Variants in PLPPR5 observed in about 807,000 individuals in gnomAD.
PLPPR5 encodes phospholipid phosphatase-related protein type 5.
A neutral mutation model predicts 33.9 loss-of-function variants in PLPPR5; 16 were observed. The observed-to-expected ratio is 0.47, with a 90% CI of 0.32 to 0.72. The LOEUF is 0.72. Among genes scored for constraint, PLPPR5 ranks in the 30% least tolerant of loss-of-function variants. The probability of loss-of-function intolerance (pLI) is 0.03; values close to 1 mark genes in which losing one functional copy is unlikely to be tolerated. For missense variants in PLPPR5, 301 were observed against 406.7 expected (o/e 0.74, Z 2.23); for synonymous variants, 163 against 150.3 (o/e 1.08, Z -0.62).
At chr1:99,001,669 AAGAT>A (rs370587528) in intron 1 of PLPPR5, among the ~76,000 whole-genome samples, 1 of 64,326 alleles carries the variant, frequency 1.6e-5, no homozygotes, top group East Asian at 4.5e-4. Context: ...TTGAAAGTTA[AAGAT>A]ATATATATAT....
chr1:98,992,436 A>G (rs1158044615), intron 1 of PLPPR5, among the ~76,000 whole-genome samples: 2 of 152,176 alleles, frequency 1.3e-5, no homozygotes, highest in Non-Finnish European at 2.9e-5. Flanking sequence ...CAAACTAATG[A>G]CTATGTCTCA....
chr1:98,931,013 T>C (rs148960489), intron 3 of PLPPR5, among the ~76,000 whole-genome samples: 1 of 152,124 alleles, frequency 6.6e-6, no homozygotes, highest in African/African-American at 2.4e-5. Context: ...GTTTAAGGCA[T>C]GTTAAGTTAT....
Position 98,953,084 on chromosome 1 carries a change from C to T in PLPPR5, c.607G>A (p.Ala203Thr). ...TCCTTACTTACGGTCAGATACATAG[C>T]TGCATAGACACTGAGAGCTGCTTCT... ...SKEAALSVYA[A>T]MYLTMYITNT... Residue 203 changes from alanine to threonine, a missense_variant, in exon 3 of 6, where the codon GCT (alanine) becomes ACT (threonine). By Grantham distance (58) the Ala-to-Thr change is moderately conservative. Transcript: ENST00000263177. 1 of 1,614,064 alleles carries T rather than the reference C, an allele frequency of 6.2e-7. No individual in the cohort carries two copies. The highest frequency in any genetic ancestry group is 8.5e-7 in the Non-Finnish European group (1 of 1,179,976).
chr1:98,965,954 T>G (rs1045438500), intron 1 of PLPPR5, among the ~76,000 whole-genome samples: 1 of 152,106 alleles, frequency 6.6e-6, no homozygotes, highest in Non-Finnish European at 1.5e-5. Flanking sequence ...AAAAGCAAAA[T>G]GAATCCACAG....
intron 1 of PLPPR5, among the ~76,000 whole-genome samples, chr1:98,967,131 G>A (rs1651477853): frequency 6.6e-6 from 1 of 152,096 alleles, no homozygotes; most frequent in African/African-American, 2.4e-5. Context: ...CTTGTACTGT[G>A]CAAAGAGCTA....
intron 1 of PLPPR5, among the ~76,000 whole-genome samples, chr1:99,001,839 G>A (rs1247398075): frequency 6.6e-6 from 1 of 151,348 alleles, no homozygotes; most frequent in Non-Finnish European, 1.5e-5. Context: ...ACAGAGTAGG[G>A]GGAGAATTCT....
intron 1 of PLPPR5, among the ~76,000 whole-genome samples, chr1:98,979,659 C>A (rs1205767732): frequency 6.6e-6 from 1 of 151,978 alleles, no homozygotes; most frequent in African/African-American, 2.4e-5. Flanking sequence ...AGATTTCTGC[C>A]TCCTGCGATG....
At chr1:98,926,130 T>G (rs967554522) in intron 3 of PLPPR5, among the ~76,000 whole-genome samples, 1 of 152,190 alleles carries the variant, frequency 6.6e-6, no homozygotes, top group African/African-American at 2.4e-5. Context: ...TCGCCTCTTT[T>G]CTACAGATCA....
chr1:98,978,849 A>G (rs1651960239), intron 1 of PLPPR5, among the ~76,000 whole-genome samples: 1 of 152,088 alleles, frequency 6.6e-6, no homozygotes, highest in Admixed American at 6.6e-5. Flanking sequence ...TAGTAGAACC[A>G]AGACTCAAAC....
intron 5 of PLPPR5, among the ~76,000 whole-genome samples, chr1:98,901,685 C>T (rs1158813045): frequency 6.6e-6 from 1 of 151,992 alleles, no homozygotes; most frequent in Non-Finnish European, 1.5e-5. Flanking sequence ...TTATGAAGAA[C>T]AATGTTCTCC....
intron 5 of PLPPR5, among the ~76,000 whole-genome samples, chr1:98,898,493 A>C (rs1648566107): frequency 6.6e-6 from 1 of 152,310 alleles, no homozygotes; most frequent in Admixed American, 6.5e-5. Flanking sequence ...AGAGGCAAAA[A>C]GCAAAGTACA....
intron 5 of PLPPR5, among the ~76,000 whole-genome samples, chr1:98,894,152 CT>C (rs1284654751): frequency 6.6e-6 from 1 of 152,000 alleles, no homozygotes; most frequent in Non-Finnish European, 1.5e-5. Context: ...CCACTTAATA[CT>C]AGAAAAAAAC....
At chr1:99,005,606 T>G (rs893624938), upstream of PLPPR5, among the ~76,000 whole-genome samples, 5 of 152,160 alleles carry the variant, frequency 3.3e-5, no homozygotes, top group South Asian at 4.1e-4. Flanking sequence ...CTTTATTAGC[T>G]GCTTGTGAGA....
chr1:98,896,159 C>T (rs192822451), intron 5 of PLPPR5, among the ~76,000 whole-genome samples: 3 of 151,932 alleles, frequency 2.0e-5, no homozygotes, highest in Admixed American at 1.3e-4. Context: ...ACTTACATTA[C>T]CAAGGTATGT....
At chr1:99,002,990 A>C (rs868544921) in intron 1 of PLPPR5, among the ~76,000 whole-genome samples, 1 of 147,776 alleles carries the variant, frequency 6.8e-6, no homozygotes, top group Non-Finnish European at 1.5e-5. Flanking sequence ...TGTCAAATGG[A>C]GAAAAGAGAA....
At chr1:98,974,996 A>C (rs1476284796) in intron 1 of PLPPR5, among the ~76,000 whole-genome samples, 2 of 152,044 alleles carry the variant, frequency 1.3e-5, no homozygotes, top group Non-Finnish European at 2.9e-5. Flanking sequence ...CTTAACACCC[A>C]TCTGCTCCTA....
chr1:98,989,996 TGAAA>T (rs1652394764), intron 1 of PLPPR5, among the ~76,000 whole-genome samples: 2 of 152,112 alleles, frequency 1.3e-5, no homozygotes, highest in South Asian at 2.1e-4. Context: ...TTTATAAAAG[TGAAA>T]GAAAGATGAT....
chr1:98,931,161 TAA>T (rs1649950566), intron 3 of PLPPR5, among the ~76,000 whole-genome samples: 1 of 152,192 alleles, frequency 6.6e-6, no homozygotes, highest in Non-Finnish European at 1.5e-5. Flanking sequence ...ATAATTATTA[TAA>T]AAAGAGTTAT....
chr1:98,975,189 A>C (rs1651804241), intron 1 of PLPPR5, among the ~76,000 whole-genome samples: 2 of 152,020 alleles, frequency 1.3e-5, no homozygotes, highest in Non-Finnish European at 2.9e-5. Flanking sequence ...CCGTGCCTCA[A>C]ATGTTTCCAC....
Sources: gnomAD v4.1 joint callset for allele counts (sites outside exome capture counted in the v4.1 genomes callset) on GRCh38, gnomAD v4.1.1 for gene constraint, MANE v1.5 for transcripts, NCBI Gene and HGNC (gene_info 2026-07-23, HGNC 2026-07-21) for gene names.